Variants in SLC26A9 observed in about 807,000 individuals in gnomAD.
SLC26A9 encodes solute carrier family 26 member 9, also known as anion transporter/exchanger protein 9.
A neutral mutation model predicts 87.1 loss-of-function variants in SLC26A9; 46 were observed. That is an observed-to-expected ratio of 0.53 (90% CI 0.42 to 0.67). The LOEUF is 0.67. Ranked by LOEUF, SLC26A9 falls within the 30% of genes least tolerant of loss-of-function variation. The pLI is 0.00. For missense variants in SLC26A9, 927 were observed against 1,018.3 expected (o/e 0.91, Z 1.22); for synonymous variants, 437 against 409.1 (o/e 1.07, Z -0.82).
intron 1 of SLC26A9, among the ~76,000 whole-genome samples, chr1:205,941,666 A>G (rs1179803844): frequency 6.6e-6 from 1 of 151,982 alleles, no homozygotes; most frequent in Non-Finnish European, 1.5e-5. Context: ...CCCACTCCTT[A>G]TCTCCAGGCG....
intron 5 of SLC26A9, 70 bp from the exon 6 acceptor site, chr1:205,930,126 A>G (rs575486718): frequency 4.7e-6 from 7 of 1,494,368 alleles, no homozygotes; most frequent in Non-Finnish European, 6.3e-6. Flanking sequence ...GACCCGCCCC[A>G]CACACACGCA....
At chr1:205,928,715 A>G in intron 8 of SLC26A9, 112 bp downstream of exon 8, 2 of 978,874 alleles carry the variant, frequency 2.0e-6, no homozygotes. Context: ...GGTCAGTGTC[A>G]TACAGTTTCG....
At position 205,915,547 on chromosome 1, in the gene SLC26A9, T is replaced by TGTGTGC. The variant is rs1188529665; in HGVS notation, c.2329-144_2329-143insGCACAC. On this transcript the variant is annotated intron_variant, in intron 20 of 20. Coordinates refer to ENST00000367135, the MANE Select transcript of SLC26A9 (RefSeq NM_052934.4). ...GTGTGTGTGTGTGTGTGTGTGTGTG[T>TGTGTGC]GCGAGAGTGTGTGTGAACAGGGGAG... The TGTGTGC allele has an allele frequency of 1.9e-5, 18 of 923,166 alleles. No homozygotes were observed. In the African/African-American group the frequency reaches 2.1e-4, roughly 11 times the overall value. The allele number at this position is 923,166 out of a possible 1,614,324, so 57.2% of individuals were successfully genotyped here.
intron 2 of SLC26A9, among the ~76,000 whole-genome samples, chr1:205,933,710 G>T (rs1416328320): frequency 5.9e-5 from 9 of 152,214 alleles, no homozygotes; most frequent in Admixed American, 4.6e-4. Context: ...AGGCTCTATT[G>T]TTCCTGCAGG....
chr1:205,931,466 T>C (rs201532634), intron 5 of SLC26A9, among the ~76,000 whole-genome samples: 1 of 7,760 alleles, frequency 1.3e-4, no homozygotes, highest in Non-Finnish European at 2.4e-4. Context: ...CCTAACTTGG[T>C]TTTTTTTTTT....
rs113527464 is a variant in SLC26A9 at position 205,915,518 on chromosome 1, C to CTGTGTGTGTGTG, written c.2329-126_2329-115dup. On this transcript the variant is annotated intron_variant, in intron 20 of 20. Coordinates refer to ENST00000367135, the MANE Select transcript of SLC26A9 (RefSeq NM_052934.4). ...GGAACCCCTGGCCAGAACAAAGCAC[C>CTGTGTGTGTGTG]TGTGTGTGTGTGTGTGTGTGTGTGT... 2.0e-4 allele frequency: 173 copies of CTGTGTGTGTGTG among 870,208 alleles called. 1 individual carries two copies. In the African/African-American group the frequency reaches 2.4e-3, roughly 12 times the overall value. 53.9% of individuals were successfully genotyped at this position (870,208 alleles called of 1,614,324 possible).
At chr1:205,936,397 C>CA (rs1176077522) in intron 1 of SLC26A9, among the ~76,000 whole-genome samples, 1 of 152,192 alleles carries the variant, frequency 6.6e-6, no homozygotes, top group Non-Finnish European at 1.5e-5. Context: ...CCCAGGGGGA[C>CA]AATGGTGTGT....
At chr1:205,936,985 C>T (rs1331566419) in intron 1 of SLC26A9, among the ~76,000 whole-genome samples, 1 of 152,170 alleles carries the variant, frequency 6.6e-6, no homozygotes, top group Non-Finnish European at 1.5e-5. Context: ...TTTCAAACCT[C>T]AGATTCTGTA....
chr1:205,914,660 A>C lies in SLC26A9; in HGVS notation c.*697T>G. On this transcript the variant is annotated 3_prime_UTR_variant, in exon 21 of 21. Coordinates refer to ENST00000367135, the MANE Select transcript of SLC26A9 (RefSeq NM_052934.4). ...GAACCTTAGTGGGCTGTCCCCGGGG[A>C]GGTAGCTCTGGTGGTCTCGACGGTC... 2 of 494,934 alleles carry C rather than the reference A, an allele frequency of 4.0e-6. No homozygotes were observed. The highest frequency in any genetic ancestry group is 7.1e-6 in the Non-Finnish European group (2 of 282,002). 30.7% of individuals were successfully genotyped at this position (494,934 alleles called of 1,614,324 possible).
chr1:205,940,846 T>C (rs891223092), intron 1 of SLC26A9, among the ~76,000 whole-genome samples: 1 of 152,204 alleles, frequency 6.6e-6, no homozygotes, highest in Admixed American at 6.5e-5. Flanking sequence ...TTGACGCATG[T>C]GTGCCAGGTA....
chr1:205,928,089 G>A (rs1368653530), intron 8 of SLC26A9, 40 bp from the exon 9 acceptor site: 1 of 1,598,838 alleles, frequency 6.3e-7, no homozygotes, highest in Non-Finnish European at 8.5e-7. Context: ...CCAAGGGTGT[G>A]AGTGGGGAGG....
chr1:205,924,566 G>A, intron 12 of SLC26A9, 77 bp from the exon 13 acceptor site: 1 of 1,320,478 alleles, frequency 7.6e-7, no homozygotes, highest in Non-Finnish European at 1.1e-6. Flanking sequence ...GATTAGCCAA[G>A]GCCATTCTCT....
rs1305302685 is a variant in SLC26A9, at chr1:205,936,216, A to C, written c.-18-378T>G. Among the ~76,000 whole-genome samples the C allele has an allele frequency of 2.0e-5, 3 of 152,218 alleles. No individual in the cohort carries two copies. In the East Asian group the frequency reaches 5.8e-4, roughly 29 times the overall value. ...CTCCCCTGACCCCTGGTGTCCCCAC[A>C]AGCCATACTCCCTTCCCAGACCTCA... On this transcript the variant is annotated intron_variant, in intron 1 of 20. Coordinates refer to ENST00000367135, the MANE Select transcript of SLC26A9 (RefSeq NM_052934.4).
chr1:205,938,051 T>C (rs1294971954), intron 1 of SLC26A9, among the ~76,000 whole-genome samples: 3 of 152,148 alleles, frequency 2.0e-5, no homozygotes, highest in African/African-American at 4.8e-5. Flanking sequence ...GTTCCGGTAG[T>C]GTGTTTGCGG....
At chr1:205,931,136 C>T (rs1242583007) in intron 5 of SLC26A9, among the ~76,000 whole-genome samples, 1 of 152,226 alleles carries the variant, frequency 6.6e-6, no homozygotes, top group African/African-American at 2.4e-5. Flanking sequence ...TAAAACCTAG[C>T]AGAATCCTTT....
At chr1:205,932,899 G>T in intron 3 of SLC26A9, 46 bp downstream of exon 3, 1 of 1,611,518 alleles carries the variant, frequency 6.2e-7, no homozygotes, top group Non-Finnish European at 8.5e-7. Context: ...GGAGAGGAAT[G>T]GTGAGGGGAG....
chr1:205,917,290 A>G lies in SLC26A9; in HGVS notation c.2321T>C (p.Leu774Ser), dbSNP rs150227907. 105 of 1,613,768 alleles carry G rather than the reference A, an allele frequency of 6.5e-5. No homozygotes were observed. The highest frequency in any genetic ancestry group is 8.2e-5 in the Non-Finnish European group (97 of 1,179,914). Residue 774 changes from leucine to serine, a missense_variant, in exon 20 of 21, where the codon TTA becomes TCA. Coordinates refer to ENST00000367135, the MANE Select transcript of SLC26A9 (RefSeq NM_052934.4). ...CCCCTTCCCTCAGCTCACCTGCTCT[A>G]AGTCCCAGTAGCTGCGAATGTCCTC... ...SEEDIRSYWD[L>S]EQEMFGSMFH...
chr1:205,939,566 A>G (rs1484328481), intron 1 of SLC26A9, among the ~76,000 whole-genome samples: 5 of 152,136 alleles, frequency 3.3e-5, no homozygotes, highest in African/African-American at 1.2e-4. Context: ...GGTGGGACGT[A>G]GAAGACAAGG....
chr1:205,917,577 T>C (rs993798682), intron 19 of SLC26A9, among the ~76,000 whole-genome samples: 54 of 152,152 alleles, frequency 3.5e-4, no homozygotes, highest in African/African-American at 1.3e-3. Flanking sequence ...CCCTCCTTTG[T>C]GGGCCGTTAG....
Sources: gnomAD v4.1 joint callset for allele counts (sites outside exome capture counted in the v4.1 genomes callset) on GRCh38, gnomAD v4.1.1 for gene constraint, MANE v1.5 for transcripts, NCBI Gene and HGNC (gene_info 2026-07-23, HGNC 2026-07-21) for gene names.